Variants in GABRB3 observed in about 807,000 individuals in gnomAD.
GABRB3 encodes the protein gamma-aminobutyric acid type A receptor subunit beta3, also known as gamma-aminobutyric acid receptor subunit beta-3.
GABRB3 carries 14 observed loss-of-function variants against 52.1 expected under a neutral mutation model. The ratio of observed to expected loss-of-function variants is 0.27; its 90% CI spans 0.18 to 0.42. The LOEUF (loss-of-function observed/expected upper bound fraction) is 0.42, where lower values mean the gene tolerates loss of function less well. Ranked by LOEUF, GABRB3 falls within the 10% of genes least tolerant of loss-of-function variation. The pLI is 1.00. For synonymous variants in GABRB3, 260 were observed against 232.3 expected, an observed-to-expected ratio of 1.12 and a Z score of -1.08; for missense variants, 307 against 609.1, an observed-to-expected ratio of 0.50 and a Z score of 5.22.
chr15:26,614,703 C>G (rs1210264883), intron 4 of GABRB3: 1 of 152,132 alleles, frequency 6.6e-6, no homozygotes, highest in Admixed American at 6.5e-5. Context: ...CCATATAAAA[C>G]AGTTTCAGAA....
At chr15:26,722,945 T>C (rs962035266) in intron 3 of GABRB3, among the ~76,000 whole-genome samples, 6 of 152,196 alleles carry the variant, frequency 3.9e-5, no homozygotes, top group Non-Finnish European at 8.8e-5. Flanking sequence ...CTATGTTAGA[T>C]TGTATCATTC....
upstream of GABRB3, chr15:26,773,493 C>T (rs531386308): frequency 6.8e-4 from 323 of 474,146 alleles, no homozygotes; most frequent in Middle Eastern, 1.7e-3. Flanking sequence ...ACGCTGCCCG[C>T]CTACCCCGGC....
chr15:26,580,910 A>C (rs1890764547), intron 5 of GABRB3, among the ~76,000 whole-genome samples: 1 of 152,254 alleles, frequency 6.6e-6, no homozygotes, highest in African/African-American at 2.4e-5. Flanking sequence ...CCAGTGGTTG[A>C]TTACATGAGG....
At chr15:26,707,656 G>A (rs944367597) in intron 3 of GABRB3, among the ~76,000 whole-genome samples, 1 of 152,174 alleles carries the variant, frequency 6.6e-6, no homozygotes, top group African/African-American at 2.4e-5. Flanking sequence ...TAGCTGCAGA[G>A]GTAATTAGGG....
chr15:26,739,055 T>C (rs1566824947), intron 3 of GABRB3, among the ~76,000 whole-genome samples: 1 of 152,108 alleles, frequency 6.6e-6, no homozygotes, highest in African/African-American at 2.4e-5. Context: ...AGCTCAAATA[T>C]GGGCTTAGAG....
intron 8 of GABRB3, among the ~76,000 whole-genome samples, chr15:26,554,175 A>AATATATATATATATATATATATATAT (rs1397152466): frequency 7.0e-5 from 1 of 14,256 alleles, no homozygotes; most frequent in African/African-American, 1.3e-4. Context: ...ATATATATAA[A>AATATATATATATATATATATATATAT]GTATATATAT....
At chr15:26,640,410 G>A (rs1288147510) in intron 3 of GABRB3, among the ~76,000 whole-genome samples, 1 of 152,128 alleles carries the variant, frequency 6.6e-6, no homozygotes, top group African/African-American at 2.4e-5. Flanking sequence ...CCAGCTTCTA[G>A]GGAGGCTGAG....
chr15:26,554,176 G>GAGTATATATATATATA (rs71420007), intron 8 of GABRB3, among the ~76,000 whole-genome samples: 15 of 27,338 alleles, frequency 5.5e-4, no homozygotes, highest in African/African-American at 1.1e-3. Flanking sequence ...TATATATAAA[G>GAGTATATATATATATA]TATATATATA....
intron 3 of GABRB3, among the ~76,000 whole-genome samples, chr15:26,670,426 G>A (rs1476028630): frequency 1.3e-5 from 2 of 152,176 alleles, no homozygotes; most frequent in South Asian, 2.1e-4. Flanking sequence ...GGCTGGCTGC[G>A]GAGGGGCGCG....
chr15:26,735,023 T>A (rs571834839), intron 3 of GABRB3, among the ~76,000 whole-genome samples: 13 of 152,182 alleles, frequency 8.5e-5, no homozygotes, highest in Non-Finnish European at 1.8e-4. Flanking sequence ...CCAGAATATA[T>A]AGAAAACTCC....
At chr15:26,589,654 A>G (rs1490720782) in intron 4 of GABRB3, among the ~76,000 whole-genome samples, 1 of 152,104 alleles carries the variant, frequency 6.6e-6, no homozygotes, top group African/African-American at 2.4e-5. Context: ...ACATTTCATT[A>G]CACCTACAAA....
In GABRB3 at chr15:26,772,904, G is replaced by T; in HGVS notation, c.59C>A (p.Ala20Asp). The T allele has an allele frequency of 6.7e-7, 1 of 1,500,324 alleles. No homozygotes were observed. The highest frequency in any genetic ancestry group is 8.9e-7 in the Non-Finnish European group (1 of 1,124,270). The allele number at this position is 1,500,324 out of a possible 1,614,324, so 92.9% of individuals were successfully genotyped here. The change falls in exon 1 of 9, where the codon GCT becomes GAT. Residue 20 changes from alanine to aspartate, a missense_variant. Transcript: ENST00000311550. ...FGIFSAPVLV[A>D]VVCCAQSVND... is the part of the protein sequence containing the mutation. ...CTACCTCTGGGCGCAGCACACCACAGCCACCAGCACCGGGGCCGAGAAGAT... is the reference window on the plus strand; with the variant it reads ...CTACCTCTGGGCGCAGCACACCACATCCACCAGCACCGGGGCCGAGAAGAT...
At chr15:26,623,776 C>A (rs1253834896) in intron 3 of GABRB3, among the ~76,000 whole-genome samples, 2 of 152,060 alleles carry the variant, frequency 1.3e-5, no homozygotes, top group African/African-American at 2.4e-5. Flanking sequence ...AATTCTGAGC[C>A]TGCACACCCC....
intron 3 of GABRB3, among the ~76,000 whole-genome samples, chr15:26,726,031 G>A (rs1166124366): frequency 6.6e-6 from 1 of 152,130 alleles, no homozygotes; most frequent in Non-Finnish European, 1.5e-5. Flanking sequence ...CTCATTGTGG[G>A]TGTGCTACTA....
chr15:26,580,168 C>G lies in GABRB3; in HGVS notation c.682+151G>C, dbSNP rs904076910. 6 of 921,646 alleles carry G rather than the reference C, an allele frequency of 6.5e-6. No homozygotes were observed. In the African/African-American group the frequency reaches 8.1e-5, roughly 12 times the overall value. 57.1% of individuals were successfully genotyped at this position (921,646 alleles called of 1,614,324 possible). ...AAAGCCTATCACTCTCCTTTAGATA[C>G]AGAGAGGAGGGGTGTGTGTGATGTG... On this transcript the variant is annotated intron_variant, in intron 6 of 8. Coordinates refer to ENST00000311550, the MANE Select transcript of GABRB3 (RefSeq NM_000814.6).
At position 26,772,965 on chromosome 15, in the gene GABRB3, CT is replaced by C; in HGVS notation, c.-4del. 1 of 1,423,496 alleles carries C rather than the reference CT, an allele frequency of 7.0e-7. No individual in the cohort carries two copies. The highest frequency in any genetic ancestry group is 2.4e-5 in the Admixed American group (1 of 41,626). 88.2% of individuals were successfully genotyped at this position (1,423,496 alleles called of 1,614,324 possible). Reference sequence around the variant, plus strand: ...CTTCCTCCCGCAAGGCCCCACATCCCTCCGCCGCGCCCCGGCACGGGGGAGG... The same window carrying C: ...CTTCCTCCCGCAAGGCCCCACATCCCCCGCCGCGCCCCGGCACGGGGGAGG... On this transcript the variant is annotated 5_prime_UTR_variant, in exon 1 of 9. Transcript: ENST00000311550.
At position 26,547,524 on chromosome 15, in the gene GABRB3, A is replaced by G. The variant is rs1439689600; in HGVS notation, c.*269T>C. On this transcript the variant is annotated 3_prime_UTR_variant, in exon 9 of 9. Coordinates refer to ENST00000311550, the MANE Select transcript of GABRB3 (RefSeq NM_000814.6). ...ATATGCATCCTGTGGTAAATTGTCC[A>G]TAGCTGCAAAATGTATATATGTATG... 2 of 542,986 alleles carry G rather than the reference A, an allele frequency of 3.7e-6. No homozygotes were observed. Among genetic ancestry groups the G allele is most frequent in the African/African-American group, 1.9e-5 (1 of 52,926 alleles). 33.6% of individuals were successfully genotyped at this position (542,986 alleles called of 1,614,324 possible).
chr15:26,569,626 T>C (rs4906679), intron 6 of GABRB3, among the ~76,000 whole-genome samples: 79,687 of 152,076 alleles, frequency 0.52, 21,657 homozygotes, highest in African/African-American at 0.67. Context: ...TATTTAGACT[T>C]ACTTCTTGAG....
chr15:26,616,041 C>G, intron 4 of GABRB3: 1 of 1,289,222 alleles, frequency 7.8e-7, no homozygotes, highest in Non-Finnish European at 1.0e-6. Context: ...CAGACCTCCT[C>G]CAGGCCAGGG....
Sources: gnomAD v4.1 joint callset for allele counts (sites outside exome capture counted in the v4.1 genomes callset) on GRCh38, gnomAD v4.1.1 for gene constraint, MANE v1.5 for transcripts, NCBI Gene and HGNC (gene_info 2026-07-23, HGNC 2026-07-21) for gene names.